Variants in FSTL5 observed in about 807,000 individuals in gnomAD.
FSTL5 encodes follistatin-related protein 5.
Under a neutral mutation model 89.1 loss-of-function variants are expected in FSTL5, and 62 were observed. The observed-to-expected ratio is 0.70, with a 90% CI of 0.57 to 0.86. The LOEUF (loss-of-function observed/expected upper bound fraction) is 0.86. Ranked by LOEUF, FSTL5 falls within the 40% of genes least tolerant of loss-of-function variation. The pLI is 0.00. For synonymous variants in FSTL5, 383 were observed against 346.2 expected (o/e 1.11, Z -1.18); for missense variants, 1,057 against 1,001.6 (o/e 1.06, Z -0.75).
At chr4:161,770,624 A>T (rs569220858) in intron 5 of FSTL5, among the ~76,000 whole-genome samples, 1 of 152,128 alleles carries the variant, frequency 6.6e-6, no homozygotes, top group Admixed American at 6.6e-5. Context: ...TTCATCACAT[A>T]TGTATGTCCT....
chr4:161,776,921 C>T (rs1045384874), intron 4 of FSTL5, among the ~76,000 whole-genome samples: 1 of 151,728 alleles, frequency 6.6e-6, no homozygotes, highest in Admixed American at 6.6e-5. Flanking sequence ...AATAAATTAT[C>T]GTTAACTACA....
chr4:161,578,656 A>G (rs1199833503), intron 8 of FSTL5, among the ~76,000 whole-genome samples: 1 of 152,088 alleles, frequency 6.6e-6, no homozygotes, highest in African/African-American at 2.4e-5. Context: ...AGTAAAGAAA[A>G]GCAAACCAAG....
chr4:161,975,962 A>G (rs2111029940), intron 3 of FSTL5, among the ~76,000 whole-genome samples: 1 of 150,706 alleles, frequency 6.6e-6, no homozygotes, highest in Non-Finnish European at 1.5e-5. Flanking sequence ...AAAAATACAA[A>G]AAAAAATTAG....
intron 3 of FSTL5, among the ~76,000 whole-genome samples, chr4:161,985,060 A>G (rs1195086789): frequency 1.3e-5 from 2 of 151,606 alleles, no homozygotes; most frequent in Non-Finnish European, 2.9e-5. Context: ...GGGTTCAAGC[A>G]ATTTTCGTGC....
chr4:162,010,030 T>C (rs796741313), intron 3 of FSTL5, among the ~76,000 whole-genome samples: 12 of 152,146 alleles, frequency 7.9e-5, no homozygotes, highest in African/African-American at 2.6e-4. Context: ...CTTATCCCCT[T>C]GTACACACTA....
intron 4 of FSTL5, among the ~76,000 whole-genome samples, chr4:161,884,706 T>C (rs1447519762): frequency 4.6e-5 from 7 of 152,192 alleles, no homozygotes; most frequent in African/African-American, 1.7e-4. Flanking sequence ...AGAGCTTTAA[T>C]TTATAACTAA....
intron 3 of FSTL5, among the ~76,000 whole-genome samples, chr4:161,948,739 T>C (rs1734809677): frequency 6.6e-6 from 1 of 152,102 alleles, no homozygotes; most frequent in Non-Finnish European, 1.5e-5. Flanking sequence ...TGAGCTACTG[T>C]GCCTGGCCTG....
intron 1 of FSTL5, among the ~76,000 whole-genome samples, chr4:162,113,760 A>C (rs1404683716): frequency 6.6e-6 from 1 of 152,080 alleles, no homozygotes; most frequent in African/African-American, 2.4e-5. Flanking sequence ...TTTATCACCC[A>C]AAAACTTTCA....
intron 10 of FSTL5, among the ~76,000 whole-genome samples, chr4:161,525,347 T>G (rs1731179971): frequency 6.6e-6 from 1 of 152,306 alleles, no homozygotes; most frequent in South Asian, 2.1e-4. Flanking sequence ...GAACTTTTAT[T>G]ATCCTAACAA....
chr4:161,794,511 T>C (rs1729571358), intron 4 of FSTL5, among the ~76,000 whole-genome samples: 1 of 152,190 alleles, frequency 6.6e-6, no homozygotes, highest in African/African-American at 2.4e-5. Context: ...AAGAAAAATA[T>C]GCTTTTATCA....
chr4:161,937,249 T>C (rs1012688001), intron 3 of FSTL5, among the ~76,000 whole-genome samples: 1 of 152,068 alleles, frequency 6.6e-6, no homozygotes, highest in Middle Eastern at 3.4e-3. Context: ...ATCAATGATG[T>C]AACAGATAGG....
chr4:161,762,127 G>T (rs1740830373), intron 5 of FSTL5, among the ~76,000 whole-genome samples: 1 of 152,206 alleles, frequency 6.6e-6, no homozygotes, highest in East Asian at 1.9e-4. Context: ...TTGAAAAATT[G>T]GTTTAGGTAC....
rs538114344 is a variant in FSTL5, at chr4:161,645,869, G to A, written c.894+10459C>T. ...AATGAATCAGTGATAAAAATTATGC[G>A]GTGAATGATGTATTCTATTAAAAAT... On this transcript the variant is annotated intron_variant, in intron 7 of 15. Transcript: ENST00000306100. Among the ~76,000 whole-genome samples the A allele has an allele frequency of 1.4e-4, 22 of 151,982 alleles. No homozygotes were observed. The South Asian group carries it at 2.5e-3, about 17-fold the overall frequency.
chr4:161,818,292 C>T (rs1363681916), intron 4 of FSTL5, among the ~76,000 whole-genome samples: 3 of 152,194 alleles, frequency 2.0e-5, no homozygotes, highest in African/African-American at 4.8e-5. Context: ...TTCCGGCTCC[C>T]CCACCTGCTG....
intron 3 of FSTL5, among the ~76,000 whole-genome samples, chr4:161,954,763 T>C (rs1329591440): frequency 6.6e-6 from 1 of 151,594 alleles, no homozygotes; most frequent in Admixed American, 6.6e-5. Context: ...CCAAAATCAC[T>C]AAACACAGAA....
intron 3 of FSTL5, among the ~76,000 whole-genome samples, chr4:161,931,889 GGACTAA>G (rs1734295610): frequency 6.6e-6 from 1 of 151,858 alleles, no homozygotes; most frequent in South Asian, 2.1e-4. Flanking sequence ...AATGGGCTAT[GGACTAA>G]GATGGCATCA....
intron 4 of FSTL5, among the ~76,000 whole-genome samples, chr4:161,863,659 T>C (rs1731987913): frequency 6.6e-6 from 1 of 152,202 alleles, no homozygotes; most frequent in Non-Finnish European, 1.5e-5. Flanking sequence ...CCCTCACTTG[T>C]ATTGGTTCCA....
At chr4:162,137,457 C>CCA (rs146613040) in intron 1 of FSTL5, among the ~76,000 whole-genome samples, 20,844 of 151,614 alleles carry the variant, frequency 0.14, 1,927 homozygotes, top group Non-Finnish European at 0.19. Flanking sequence ...TGGCCACATA[C>CCA]CACACACACA....
At chr4:161,888,949 G>A (rs1249668435) in intron 4 of FSTL5, among the ~76,000 whole-genome samples, 1 of 151,976 alleles carries the variant, frequency 6.6e-6, no homozygotes, top group East Asian at 1.9e-4. Flanking sequence ...CACAAAACAT[G>A]GCAGGAGGAT....
Sources: allele counts gnomAD v4.1 joint callset (sites outside exome capture counted in the v4.1 genomes callset), GRCh38; gene constraint gnomAD v4.1.1; transcripts MANE v1.5; gene names NCBI Gene and HGNC (gene_info 2026-07-23, HGNC 2026-07-21).